The following AHCY variants were observed in gnomAD, a reference collection of about 807,000 sequenced individuals.
AHCY encodes the protein adenosylhomocysteinase, also known as S-adenosyl-L-homocysteine hydrolase.
A neutral mutation model predicts 45.4 loss-of-function variants in AHCY; 24 were observed. That is an observed-to-expected ratio of 0.53 (90% CI 0.38 to 0.74). AHCY has a LOEUF of 0.74. AHCY is among the 30% of genes least tolerant of loss of function. The pLI is 0.00. For missense variants in AHCY, 449 were observed against 594.1 expected, an observed-to-expected ratio of 0.76 and a Z score of 2.54; for synonymous variants, 245 against 235.1, an observed-to-expected ratio of 1.04 and a Z score of -0.39.
At chr20:34,248,531 G>A in the AHCY span, among the ~76,000 whole-genome samples, 5 of 152,048 alleles carry the variant, frequency 3.3e-5, no homozygotes, top group Non-Finnish European at 5.9e-5. Flanking sequence ...GGTCAGGCAC[G>A]ATGGCTCACG....
chr20:34,303,107 C>G (rs1421275572), intron 1 of AHCY, 136 bp downstream of exon 1: 7 of 1,484,772 alleles, frequency 4.7e-6, no homozygotes, highest in Non-Finnish European at 6.3e-6. Context: ...CAGCTGGCTT[C>G]GCGCGGCCAG....
chr20:34,308,084 A>C (rs933511746), upstream of AHCY, among the ~76,000 whole-genome samples: 2 of 152,248 alleles, frequency 1.3e-5, no homozygotes, highest in Non-Finnish European at 2.9e-5. Flanking sequence ...TTTGTTAAGG[A>C]TAATGGCCTC....
Position 34,290,464 on chromosome 20 carries a change from A to C in AHCY, c.855-15T>G. ...GCTCAAAGTGCCTGTCAGGCAGCCC[A>C]AGACCGTGGGAGATTGTCAGGGACA... On this transcript the variant is annotated splice_polypyrimidine_tract_variant and intron_variant, in intron 7 of 9. Transcript: ENST00000217426. This position sits in a 1 kb window ranked among gnomAD's most constrained non-coding sequence, Gnocchi z 4.5. 1 of 1,613,990 alleles carries C rather than the reference A, an allele frequency of 6.2e-7. No homozygotes were observed.
chr20:34,260,412 T>C, the AHCY span: 1,696 of 1,614,086 alleles, frequency 1.1e-3, 63 homozygotes, highest in East Asian at 0.037. Flanking sequence ...ACCCTGCTGG[T>C]CTTCCTCTGC....
rs555826049 is a variant in AHCY at position 34,298,498 on chromosome 20, G to A, written c.29-2913C>T. Among the ~76,000 whole-genome samples the A allele has an allele frequency of 2.2e-4, 34 of 151,998 alleles. No homozygotes were observed. The East Asian group carries it at 6.0e-3, about 27-fold the overall frequency. On this transcript the variant is annotated intron_variant, in intron 1 of 9. Coordinates refer to ENST00000217426, the MANE Select transcript of AHCY (RefSeq NM_000687.4). ...GAGGGCTCCTTGGTCTAGCGGTGAC[G>A]CCAGCGTCTGGGAAGACGCCCGTTA...
At chr20:34,234,309 A>G in the AHCY span, among the ~76,000 whole-genome samples, 1 of 152,168 alleles carries the variant, frequency 6.6e-6, no homozygotes. Flanking sequence ...CAAGACCACT[A>G]GTGCCTAAGA....
chr20:34,266,951 A>G, the AHCY span, among the ~76,000 whole-genome samples: 2 of 152,134 alleles, frequency 1.3e-5, no homozygotes, highest in Non-Finnish European at 2.9e-5. Flanking sequence ...ATCAACTGTA[A>G]CCAAAGCAAG....
intron 8 of AHCY, chr20:34,285,967 T>G (rs949012568): frequency 8.9e-6 from 3 of 335,258 alleles, no homozygotes; most frequent in African/African-American, 4.3e-5. Flanking sequence ...TAGCCGGGCG[T>G]GGTAGCAGGC....
chr20:34,235,786 G>GAAGAAAGAAAGAAAGAAAGAAAGA, the AHCY span, among the ~76,000 whole-genome samples: 1 of 61,392 alleles, frequency 1.6e-5, no homozygotes, highest in Non-Finnish European at 3.4e-5. Context: ...CTCTGAGAAA[G>GAAGAAAGAAAGAAAGAAAGAAAGA]AAGAAAGAAA....
At chr20:34,279,557 T>G (rs1173385363), downstream of AHCY, among the ~76,000 whole-genome samples, 2 of 152,164 alleles carry the variant, frequency 1.3e-5, no homozygotes, top group African/African-American at 4.8e-5. Flanking sequence ...GTACTAATAA[T>G]AGTTGAAGTA....
At chr20:34,258,789 A>G in the AHCY span, among the ~76,000 whole-genome samples, 1 of 110,928 alleles carries the variant, frequency 9.0e-6, no homozygotes, top group African/African-American at 3.3e-5. Flanking sequence ...GTATATATAT[A>G]GTGTATATAT....
At position 34,290,613 on chromosome 20, in the gene AHCY, C is replaced by T. The variant is rs1431296750; in HGVS notation, c.792G>A (p.Glu264=). 1.9e-6 allele frequency: 3 copies of T among 1,614,176 alleles called. No individual in the cohort carries two copies. Among genetic ancestry groups the T allele is most frequent in the Non-Finnish European group, 2.5e-6 (3 of 1,180,038 alleles). Residue 264 remains glutamate, a synonymous_variant, in exon 7 of 10, where the codon GAG becomes GAA. Transcript: ENST00000217426. This position sits in a 1 kb window ranked among gnomAD's most constrained non-coding sequence, Gnocchi z 4.5. ...CAAAGATGTTGCCCTCCTGACAGGC[C>T]TCATCCATGGTGGTCACCTCATAGC... ...MEGYEVTTMD[E]ACQEGNIFVT... is the part of the protein sequence containing the mutation.
At chr20:34,298,480 C>G (rs2036647838) in intron 1 of AHCY, among the ~76,000 whole-genome samples, 2 of 152,088 alleles carry the variant, frequency 1.3e-5, no homozygotes, top group Admixed American at 1.3e-4. Flanking sequence ...CCAGAGGGCT[C>G]CTTGGTCTAG....
At chr20:34,253,649 T>C in the AHCY span, among the ~76,000 whole-genome samples, 1 of 151,976 alleles carries the variant, frequency 6.6e-6, no homozygotes, top group African/African-American at 2.4e-5. Context: ...TTTTTGTATT[T>C]TTAGTAGAGA....
the AHCY span, among the ~76,000 whole-genome samples, chr20:34,268,480 T>C: frequency 6.6e-6 from 1 of 152,030 alleles, no homozygotes; most frequent in African/African-American, 2.4e-5. Flanking sequence ...CCCAGCACTT[T>C]GGGAGGCCGA....
chr20:34,263,576 A>C, the AHCY span, among the ~76,000 whole-genome samples: 3 of 151,974 alleles, frequency 2.0e-5, no homozygotes, highest in African/African-American at 7.3e-5. Context: ...ACAACAACAA[A>C]AAATTAAAAC....
At chr20:34,272,227 T>C in the AHCY span, among the ~76,000 whole-genome samples, 1 of 152,190 alleles carries the variant, frequency 6.6e-6, no homozygotes, top group Non-Finnish European at 1.5e-5. Context: ...CCACCTTGAC[T>C]GACAGTCCCA....
the AHCY span, chr20:34,260,447 C>T: frequency 6.2e-7 from 1 of 1,614,176 alleles, no homozygotes; most frequent in Non-Finnish European, 8.5e-7. Context: ...CAGCCACCTG[C>T]CACCTGAGGA....
chr20:34,281,311 G>A, intron 9 of AHCY, 146 bp from the exon 10 acceptor site: 1 of 1,312,630 alleles, frequency 7.6e-7, no homozygotes, highest in Non-Finnish European at 1.1e-6. Flanking sequence ...CTCACACCCA[G>A]CCTCAGTTAA....
Sources: allele counts gnomAD v4.1 joint callset (sites outside exome capture counted in the v4.1 genomes callset), GRCh38; gene constraint gnomAD v4.1.1; non-coding constraint Gnocchi (gnomAD v3.1); transcripts MANE v1.5; gene names NCBI Gene and HGNC (gene_info 2026-07-23, HGNC 2026-07-21).